Variants in RYR2 observed in about 807,000 individuals in gnomAD.
RYR2 encodes the protein ryanodine receptor 2.
RYR2 carries 227 observed loss-of-function variants against 601.1 expected under a neutral mutation model. The ratio of observed to expected loss-of-function variants is 0.38; its 90% CI spans 0.34 to 0.42. The LOEUF is 0.42. Among genes scored for constraint, RYR2 ranks in the 10% least tolerant of loss-of-function variants. The pLI, the probability that RYR2 is intolerant of heterozygous loss-of-function variation, is 1.00. For synonymous variants in RYR2, 2,223 were observed against 2,175.1 expected (o/e 1.02, Z -0.61); for missense variants, 4,646 against 6,156.5 (o/e 0.75, Z 8.21).
rs1182562373 is a variant in RYR2, at chr1:237,546,149, CTTCT to C, written c.2907-2279_2907-2276del. Among the ~76,000 whole-genome samples, 6 of 152,016 alleles carry C rather than the reference CTTCT, an allele frequency of 3.9e-5. No individual in the cohort carries two copies. In the East Asian group the frequency reaches 1.2e-3, roughly 29 times the overall value. On this transcript the variant is annotated intron_variant, in intron 25 of 104. Transcript: ENST00000366574. ...GTTGTTAAAAAAAATTCCCACATGG[CTTCT>C]TTATTAAAAAACAAAAGCTACAGTT...
intron 8 of RYR2, 23 bp downstream of exon 8, chr1:237,377,458 T>G (rs750850367): frequency 2.1e-4 from 322 of 1,515,972 alleles, no homozygotes; most frequent in Non-Finnish European, 2.9e-4. Context: ...AGTAGGATCA[T>G]GTATCTGCTG....
chr1:237,631,870 C>A (rs953315371), intron 42 of RYR2, among the ~76,000 whole-genome samples: 1 of 52,898 alleles, frequency 1.9e-5, no homozygotes, highest in Non-Finnish European at 3.8e-5. Flanking sequence ...CCTCGTGATC[C>A]GCCCGCCTTG....
intron 24 of RYR2, among the ~76,000 whole-genome samples, chr1:237,515,753 TCTTCTC>T (rs1666415362): frequency 8.0e-5 from 5 of 62,144 alleles, no homozygotes; most frequent in South Asian, 5.7e-4. Flanking sequence ...TTCTTCCTCT[TCTTCTC>T]CTCCTCCTTC....
intron 10 of RYR2, 53 bp downstream of exon 10, chr1:237,388,236 A>G: frequency 1.4e-6 from 2 of 1,468,022 alleles, no homozygotes; most frequent in East Asian, 2.3e-5. Context: ...CCTTGATGTA[A>G]TGTTTTAAAA....
intron 1 of RYR2, among the ~76,000 whole-genome samples, chr1:237,175,549 G>GA (rs1219417669): frequency 6.6e-6 from 1 of 152,076 alleles, no homozygotes; most frequent in East Asian, 1.9e-4. Context: ...TAACATACCT[G>GA]AAAAATGGAT....
intron 24 of RYR2, among the ~76,000 whole-genome samples, chr1:237,529,216 T>C (rs10925444): frequency 0.089 from 13,514 of 152,230 alleles, 678 homozygotes; most frequent in Middle Eastern, 0.18. Flanking sequence ...GTTTTTTATT[T>C]TATTGCTGAT....
chr1:237,636,784 C>T (rs1461667090), intron 44 of RYR2, among the ~76,000 whole-genome samples: 1 of 152,196 alleles, frequency 6.6e-6, no homozygotes, highest in African/African-American at 2.4e-5. Context: ...AACTTGAATA[C>T]CGACCATCAA....
chr1:237,525,484 T>A (rs1052816101), intron 24 of RYR2, among the ~76,000 whole-genome samples: 5 of 152,000 alleles, frequency 3.3e-5, no homozygotes, highest in Non-Finnish European at 7.4e-5. Flanking sequence ...AGAGTCTTGC[T>A]CTGTTGCCTA....
chr1:237,202,228 A>C (rs949688645), intron 1 of RYR2, among the ~76,000 whole-genome samples: 6 of 152,162 alleles, frequency 3.9e-5, no homozygotes, highest in Non-Finnish European at 7.4e-5. Flanking sequence ...CTATGAATAT[A>C]TTTTTGTGTC....
chr1:237,209,517 T>TGTGTGTGTGTA (rs1558429611), intron 1 of RYR2, among the ~76,000 whole-genome samples: 2 of 20,860 alleles, frequency 9.6e-5, no homozygotes, highest in African/African-American at 1.5e-4. Flanking sequence ...GTGTGTGTAT[T>TGTGTGTGTGTA]TTTTTTTTTT....
chr1:237,755,905 T>A (rs1220898993), intron 80 of RYR2, among the ~76,000 whole-genome samples: 1 of 152,228 alleles, frequency 6.6e-6, no homozygotes, highest in Non-Finnish European at 1.5e-5. Flanking sequence ...AGTATCAAGT[T>A]ATGGCCATGG....
intron 1 of RYR2, among the ~76,000 whole-genome samples, chr1:237,130,533 A>G (rs1306023677): frequency 6.6e-6 from 1 of 152,058 alleles, no homozygotes; most frequent in Non-Finnish European, 1.5e-5. Flanking sequence ...CCATCATGGC[A>G]TAACCCCATC....
chr1:237,565,077 T>G (rs905924557), intron 27 of RYR2, among the ~76,000 whole-genome samples: 3 of 152,112 alleles, frequency 2.0e-5, no homozygotes, highest in African/African-American at 7.2e-5. Context: ...GAGAAACAAA[T>G]AGGAACTTCC....
intron 25 of RYR2, among the ~76,000 whole-genome samples, chr1:237,544,749 A>G (rs2618667): frequency 0.89 from 134,736 of 152,160 alleles, 61,408 homozygotes; most frequent in Non-Finnish European, 0.99. Flanking sequence ...TTGATATAAC[A>G]ATTTGATTCT....
At chr1:237,821,751 C>T (rs1182809476) in intron 101 of RYR2, among the ~76,000 whole-genome samples, 3 of 151,790 alleles carry the variant, frequency 2.0e-5, no homozygotes, top group African/African-American at 7.3e-5. Flanking sequence ...ATGTTCTAAC[C>T]CATTGCAAGG....
chr1:237,423,315 A>G (rs1004135512), intron 12 of RYR2, 67 bp downstream of exon 12: 19 of 1,506,160 alleles, frequency 1.3e-5, no homozygotes, highest in Non-Finnish European at 2.7e-6. Flanking sequence ...GATGTTAGAA[A>G]GGAGAAAAGA....
At position 237,614,152 on chromosome 1, in the gene RYR2, C is replaced by G; in HGVS notation, c.5024C>G (p.Ala1675Gly). The change falls in exon 37 of 105, where the codon GCC becomes GGC. Residue 1675 changes from alanine to glycine, a missense_variant. By Grantham distance (60) the Ala-to-Gly change is moderately conservative. Around this residue, in one of 17 missense-constraint regions of RYR2, gnomAD observed 1,807 missense variants for 2,088.1 expected, o/e 0.87. Coordinates refer to ENST00000366574, the MANE Select transcript of RYR2 (RefSeq NM_001035.3). This position sits in a 1 kb window ranked among gnomAD's most constrained non-coding sequence, Gnocchi z 4.3. Reference protein sequence around the residue: ...CALGNHRVAHALCSHVDEPQL... With the variant: ...CALGNHRVAHGLCSHVDEPQL... ...CTTGGGAACCACCGGGTGGCCCATG[C>G]CCTGTGCAGCCATGTGGATGAACCT... 3.7e-6 allele frequency: 6 copies of G among 1,614,048 alleles called. No homozygotes were observed. In the South Asian group the frequency reaches 6.6e-5, roughly 18 times the overall value.
intron 51 of RYR2, among the ~76,000 whole-genome samples, chr1:237,653,040 T>C (rs551778728): frequency 4.3e-4 from 66 of 152,334 alleles, no homozygotes; most frequent in African/African-American, 1.5e-3. Context: ...TTTTATTAAT[T>C]TGACAAATAT....
Position 237,347,528 on chromosome 1 carries a change from C to T in RYR2, c.274-8437C>T, listed in dbSNP as rs972509778. Among the ~76,000 whole-genome samples the T allele has an allele frequency of 3.9e-5, 6 of 152,116 alleles. No homozygotes were observed. The South Asian group carries it at 6.2e-4, about 16-fold the overall frequency. ...AATTCTGTCCTAAATGACAGTTTGA[C>T]GACATACTTAACAAATCCCTAGGCA... On this transcript the variant is annotated intron_variant, in intron 3 of 104. Coordinates refer to ENST00000366574, the MANE Select transcript of RYR2 (RefSeq NM_001035.3).
Sources: allele counts gnomAD v4.1 joint callset (sites outside exome capture counted in the v4.1 genomes callset), GRCh38; gene constraint gnomAD v4.1.1; regional missense constraint gnomAD v4.1.1; non-coding constraint Gnocchi (gnomAD v3.1); transcripts MANE v1.5; gene names NCBI Gene and HGNC (gene_info 2026-07-23, HGNC 2026-07-21).